Variants in SOX5 observed in about 807,000 individuals in gnomAD.
SOX5 encodes the protein SRY-box transcription factor 5, also known as transcription factor SOX-5.
In SOX5, 9 loss-of-function variants were observed where a neutral mutation model predicts 92.0. The ratio of observed to expected loss-of-function variants is 0.10; its 90% CI spans 0.06 to 0.17. The LOEUF is 0.17. SOX5 is among the 10% of genes least tolerant of loss of function. SOX5 has a pLI of 1.00. For synonymous variants in SOX5, 344 were observed against 336.3 expected (o/e 1.02, Z -0.25); for missense variants, 642 against 944.5 (o/e 0.68, Z 4.20).
intron 4 of SOX5, among the ~76,000 whole-genome samples, chr12:23,741,591 A>T (rs1247941042): frequency 6.6e-6 from 1 of 152,174 alleles, no homozygotes; most frequent in African/African-American, 2.4e-5. Flanking sequence ...CTTAAAAAAA[A>T]AGTTGAAGAT....
intron 2 of SOX5, among the ~76,000 whole-genome samples, chr12:24,343,470 T>C (rs970792311): frequency 6.6e-5 from 10 of 150,624 alleles, no homozygotes; most frequent in African/African-American, 2.4e-4. Context: ...ATATTATATA[T>C]ATATGAGACA....
At chr12:24,135,477 C>T (rs2138568705) in intron 4 of SOX5, among the ~76,000 whole-genome samples, 1 of 152,308 alleles carries the variant, frequency 6.6e-6, no homozygotes, top group East Asian at 1.9e-4. Flanking sequence ...GCCTTTTACA[C>T]ATACAGTAAA....
At chr12:23,882,711 C>T (rs541367630) in intron 2 of SOX5, among the ~76,000 whole-genome samples, 3 of 152,150 alleles carry the variant, frequency 2.0e-5, no homozygotes, top group South Asian at 2.1e-4. Flanking sequence ...AGGTGATTTT[C>T]TCATTTAATG....
At chr12:23,674,336 A>ATTTTTTTTTTTT (rs34975795) in intron 6 of SOX5, among the ~76,000 whole-genome samples, 2,072 of 97,226 alleles carry the variant, frequency 0.021, 261 homozygotes, top group African/African-American at 0.054. Flanking sequence ...ATAAAAAGGA[A>ATTTTTTTTTTTT]TTTTTTTTTT....
intron 4 of SOX5, among the ~76,000 whole-genome samples, chr12:24,077,508 C>A (rs983062002): frequency 6.6e-6 from 1 of 151,878 alleles, no homozygotes; most frequent in African/African-American, 2.4e-5. Flanking sequence ...CAACAGTTAA[C>A]TGTTGGAGAG....
At chr12:23,927,455 C>T (rs537422788) in intron 1 of SOX5, among the ~76,000 whole-genome samples, 1 of 152,170 alleles carries the variant, frequency 6.6e-6, no homozygotes, top group Admixed American at 6.5e-5. Context: ...TACACACATA[C>T]ATACATATGG....
intron 4 of SOX5, among the ~76,000 whole-genome samples, chr12:24,045,441 G>A (rs1231503153): frequency 6.6e-6 from 1 of 152,070 alleles, no homozygotes; most frequent in Non-Finnish European, 1.5e-5. Context: ...GGGACTACAG[G>A]TGTGTGCCAC....
rs772418404 is a variant in SOX5 at position 23,576,374 on chromosome 12, C to T, written c.1165-536G>A. On this transcript the variant is annotated intron_variant, in intron 9 of 14. Coordinates refer to ENST00000451604, the MANE Select transcript of SOX5 (RefSeq NM_006940.6). ...ATTTCTAGCTTTCTTAGAAAATAAT[C>T]CTTTCTCCCTAGGTTTCACAGAAAC... Among the ~76,000 whole-genome samples, 9 of 152,200 alleles carry T rather than the reference C, an allele frequency of 5.9e-5. No individual in the cohort carries two copies. In the South Asian group the frequency reaches 1.9e-3, roughly 32 times the overall value.
At chr12:23,962,359 TGTAAACCACACAC>T (rs1947046627) in intron 4 of SOX5, among the ~76,000 whole-genome samples, 1 of 152,052 alleles carries the variant, frequency 6.6e-6, no homozygotes, top group African/African-American at 2.4e-5. Flanking sequence ...CCTCACCCCA[TGTAAACCACACAC>T]GCAAACACAC....
In SOX5 at chr12:23,861,018, A is replaced by T. The variant is rs564353507; in HGVS notation, c.271-14825T>A. Among the ~76,000 whole-genome samples, 14 of 151,520 alleles carry T rather than the reference A, an allele frequency of 9.2e-5. No homozygotes were observed. In the South Asian group the frequency reaches 2.9e-3, roughly 32 times the overall value. On this transcript the variant is annotated intron_variant, in intron 2 of 14. Transcript: ENST00000451604. ...AAATAATAATGAGCACCTATAGAAT[A>T]TGTCAAACAGAGAGAGAAGTAGGAA...
chr12:23,578,481 A>G (rs1406510291), intron 9 of SOX5, among the ~76,000 whole-genome samples: 3 of 152,038 alleles, frequency 2.0e-5, no homozygotes, highest in African/African-American at 4.8e-5. Context: ...AAGGGGGACT[A>G]TTGAAAAAGT....
Position 23,837,875 on chromosome 12 carries a change from A to C in SOX5, c.481+8108T>G, listed in dbSNP as rs2096448486. Among the ~76,000 whole-genome samples the C allele has an allele frequency of 2.8e-5, 3 of 106,314 alleles. No homozygotes were observed. The South Asian group carries it at 9.1e-4, about 32-fold the overall frequency. 69.7% of individuals were successfully genotyped at this position (106,314 alleles called of 152,430 possible). A position where few individuals can be genotyped will look rare whatever the true frequency, so the allele number is the denominator to read the frequency against. On this transcript the variant is annotated intron_variant, in intron 3 of 14. Transcript: ENST00000451604. ...TTTATATAATATATAAGATATATTT[A>C]TATTTATATAATATATAAGATATAT...
At chr12:24,138,201 C>T (rs1022090081) in intron 4 of SOX5, among the ~76,000 whole-genome samples, 4 of 152,218 alleles carry the variant, frequency 2.6e-5, no homozygotes, top group African/African-American at 7.2e-5. Flanking sequence ...ACTCAGAGAA[C>T]GGAGGCGTAT....
intron 3 of SOX5, among the ~76,000 whole-genome samples, chr12:23,781,152 C>T (rs921212905): frequency 5.3e-5 from 8 of 151,938 alleles, no homozygotes; most frequent in African/African-American, 9.7e-5. Context: ...AAACAGGGCA[C>T]GGTATCAAAG....
At chr12:23,708,482 A>G (rs966056470) in intron 6 of SOX5, among the ~76,000 whole-genome samples, 8 of 152,172 alleles carry the variant, frequency 5.3e-5, no homozygotes, top group African/African-American at 1.9e-4. Context: ...ACAGGCAAAA[A>G]CCAAACATTT....
At chr12:23,558,421 C>T (rs1012244737) in intron 11 of SOX5, among the ~76,000 whole-genome samples, 3 of 152,122 alleles carry the variant, frequency 2.0e-5, no homozygotes, top group Non-Finnish European at 4.4e-5. Context: ...GAGAAAATGA[C>T]TTCTCCTTCC....
intron 1 of SOX5, among the ~76,000 whole-genome samples, chr12:24,428,726 CAAAAAAAAAAAAAAAAAAAAA>C (rs57964050): frequency 3.1e-5 from 1 of 32,590 alleles, no homozygotes; most frequent in Non-Finnish European, 5.1e-5. Flanking sequence ...CTCTGTTTCT[CAAAAAAAAAAAAAAAAAAAAA>C]AAAAAAAAAA....
chr12:23,621,694 G>A (rs2077201840), intron 8 of SOX5, among the ~76,000 whole-genome samples: 1 of 151,914 alleles, frequency 6.6e-6, no homozygotes, highest in Non-Finnish European at 1.5e-5. Flanking sequence ...ACCCAGCTTT[G>A]GAAACAAATA....
chr12:23,644,629 C>T lies in SOX5; in HGVS notation c.932-3732G>A, dbSNP rs188717417. Among the ~76,000 whole-genome samples, 16 of 152,172 alleles carry T rather than the reference C, an allele frequency of 1.1e-4. No individual in the cohort carries two copies. In the East Asian group the frequency reaches 2.3e-3, roughly 22 times the overall value. ...ATATGTAGAAAAATTATACCATGCTCGTATGCTAATGAGAAAGATTCAGTA... is the reference window on the plus strand; with the variant it reads ...ATATGTAGAAAAATTATACCATGCTTGTATGCTAATGAGAAAGATTCAGTA... On this transcript the variant is annotated intron_variant, in intron 7 of 14. Coordinates refer to ENST00000451604, the MANE Select transcript of SOX5 (RefSeq NM_006940.6).
Sources: allele counts gnomAD v4.1 joint callset (sites outside exome capture counted in the v4.1 genomes callset), GRCh38; gene constraint gnomAD v4.1.1; transcripts MANE v1.5; gene names NCBI Gene and HGNC (gene_info 2026-07-23, HGNC 2026-07-21).